PHLPP1: variants seen among roughly 807,000 people sequenced by gnomAD.
The protein encoded by PHLPP1 is PH domain and leucine rich repeat protein phosphatase 1, also known as PH domain leucine-rich repeat-containing protein phosphatase 1.
In PHLPP1, 42 loss-of-function variants were observed where a neutral mutation model predicts 117.2. That is an observed-to-expected ratio of 0.36 (90% CI 0.28 to 0.46). The LOEUF is 0.46. Ranked by LOEUF, PHLPP1 falls within the 20% of genes least tolerant of loss-of-function variation. The pLI, the probability that PHLPP1 is intolerant of heterozygous loss-of-function variation, is 1.00. For missense variants in PHLPP1, 2,084 were observed against 2,241.9 expected (o/e 0.93, Z 1.42); for synonymous variants, 1,042 against 970.7 (o/e 1.07, Z -1.37).
intron 1 of PHLPP1, among the ~76,000 whole-genome samples, chr18:62,768,370 G>T (rs1475926141): frequency 1.3e-5 from 2 of 152,134 alleles, no homozygotes; most frequent in South Asian, 4.1e-4. Flanking sequence ...GACCTGTGAG[G>T]CAGGAAGTAC....
At chr18:62,917,194 A>G (rs955465168) in intron 9 of PHLPP1, among the ~76,000 whole-genome samples, 3 of 147,352 alleles carry the variant, frequency 2.0e-5, no homozygotes, top group Non-Finnish European at 4.5e-5. Flanking sequence ...TTATACATTA[A>G]CATATTATAT....
At chr18:62,801,915 A>G (rs1311762909) in intron 1 of PHLPP1, among the ~76,000 whole-genome samples, 2 of 151,668 alleles carry the variant, frequency 1.3e-5, no homozygotes, top group African/African-American at 2.4e-5. Flanking sequence ...ACAGAGCATC[A>G]CTCCTAGTCT....
intron 1 of PHLPP1, among the ~76,000 whole-genome samples, chr18:62,817,808 T>C (rs1914333499): frequency 6.7e-6 from 1 of 149,416 alleles, no homozygotes; most frequent in South Asian, 2.1e-4. Context: ...AAAAAAGCAC[T>C]GACAGAATGC....
At chr18:62,929,687 C>T (rs984658963) in intron 10 of PHLPP1, among the ~76,000 whole-genome samples, 3 of 152,154 alleles carry the variant, frequency 2.0e-5, no homozygotes, top group Non-Finnish European at 4.4e-5. Context: ...GTGGCTCATG[C>T]GTGTTGTCCT....
intron 10 of PHLPP1, among the ~76,000 whole-genome samples, chr18:62,938,245 A>G: frequency 6.6e-6 from 1 of 152,212 alleles, no homozygotes; most frequent in Non-Finnish European, 1.5e-5. Context: ...GAGGATAGTT[A>G]TCACATCATA....
At chr18:62,836,359 G>A (rs1914895974) in intron 2 of PHLPP1, among the ~76,000 whole-genome samples, 1 of 151,510 alleles carries the variant, frequency 6.6e-6, no homozygotes, top group African/African-American at 2.4e-5. Flanking sequence ...TTGAACCTGG[G>A]AGGCAGAGGT....
At chr18:62,958,829 A>C in intron 13 of PHLPP1, 70 bp downstream of exon 13, 1 of 1,550,438 alleles carries the variant, frequency 6.4e-7, no homozygotes, top group Non-Finnish European at 8.9e-7. Flanking sequence ...CTTAGTGAAA[A>C]TGGGAAACAA....
At chr18:62,881,988 C>T (rs1284604626) in intron 4 of PHLPP1, among the ~76,000 whole-genome samples, 3 of 152,134 alleles carry the variant, frequency 2.0e-5, no homozygotes, top group Admixed American at 2.0e-4. Flanking sequence ...CAGATGAGTC[C>T]GAAAGGAACA....
At chr18:62,893,944 T>A (rs1916488971) in intron 4 of PHLPP1, among the ~76,000 whole-genome samples, 1 of 152,124 alleles carries the variant, frequency 6.6e-6, no homozygotes, top group South Asian at 2.1e-4. Flanking sequence ...GTGGGGTAGC[T>A]CAGGAGAGGA....
In PHLPP1 at chr18:62,913,739, CT is replaced by C. The variant is rs398033174; in HGVS notation, c.2709-1153del. ...ACCATTAGTTTAGTTCTCTCTCTCT[CT>C]TTTTTTTTTTTTTTTTTTTTGAGAC... On this transcript the variant is annotated intron_variant, in intron 8 of 16. Coordinates refer to ENST00000262719, the MANE Select transcript of PHLPP1 (RefSeq NM_194449.4). 5.0e-3 allele frequency among the ~76,000 whole-genome samples: 506 copies of C among 100,722 alleles called. 1 individual carries two copies. The highest frequency in any genetic ancestry group is 7.0e-3 in the Non-Finnish European group (376 of 53,504). 66.1% of individuals were successfully genotyped at this position (100,722 alleles called of 152,430 possible). A position where few individuals can be genotyped will look rare whatever the true frequency, so the allele number is the denominator to read the frequency against.
rs779209717 is a variant in PHLPP1 at position 62,873,907 on chromosome 18, G to A, written c.2066+13306G>A. ...ACTTAAGAAAGATAAATAAAGGGCC[G>A]GATGCGGTGGCTCACGCTTGTAATC... On this transcript the variant is annotated intron_variant, in intron 4 of 16. Transcript: ENST00000262719. Among the ~76,000 whole-genome samples the A allele has an allele frequency of 3.9e-5, 6 of 152,204 alleles. No homozygotes were observed. The South Asian group carries it at 6.2e-4, about 16-fold the overall frequency.
At chr18:62,959,443 T>C (rs1910703918) in intron 13 of PHLPP1, among the ~76,000 whole-genome samples, 1 of 152,214 alleles carries the variant, frequency 6.6e-6, no homozygotes, top group Non-Finnish European at 1.5e-5. Context: ...TGTACATGTG[T>C]ATGCATACAC....
chr18:62,799,803 G>A (rs1322903821), intron 1 of PHLPP1, among the ~76,000 whole-genome samples: 3 of 152,074 alleles, frequency 2.0e-5, no homozygotes, highest in Non-Finnish European at 2.9e-5. Flanking sequence ...GGGCCTTACT[G>A]CTTATAAACA....
intron 1 of PHLPP1, among the ~76,000 whole-genome samples, chr18:62,783,548 C>A (rs1217718037): frequency 1.3e-5 from 2 of 152,162 alleles, no homozygotes; most frequent in Non-Finnish European, 2.9e-5. Context: ...TCAATAAATG[C>A]TATATTGTAA....
intron 6 of PHLPP1, among the ~76,000 whole-genome samples, chr18:62,896,295 G>GTT (rs11373740): frequency 0.43 from 60,065 of 140,132 alleles, 14,974 homozygotes; most frequent in Non-Finnish European, 0.57. Context: ...TGTTGTTCTT[G>GTT]TTTTTTTTTT....
At chr18:62,926,985 TG>T (rs1909648817) in intron 10 of PHLPP1, among the ~76,000 whole-genome samples, 1 of 152,162 alleles carries the variant, frequency 6.6e-6, no homozygotes, top group African/African-American at 2.4e-5. Context: ...AAGCTGGTAG[TG>T]GGGCTTTAGG....
At chr18:62,725,751 C>G (rs1690678667) in intron 1 of PHLPP1, among the ~76,000 whole-genome samples, 1 of 152,144 alleles carries the variant, frequency 6.6e-6, no homozygotes, top group South Asian at 2.1e-4. Context: ...TCCTTTTATG[C>G]TAGATTTCAT....
chr18:62,824,118 C>T (rs909493848), intron 1 of PHLPP1: 9 of 434,394 alleles, frequency 2.1e-5, no homozygotes, highest in Non-Finnish European at 3.2e-5. Context: ...GCAACAAGAG[C>T]GAAACTCCGT....
chr18:62,873,254 A>C (rs912469579), intron 4 of PHLPP1, among the ~76,000 whole-genome samples: 2 of 152,180 alleles, frequency 1.3e-5, no homozygotes, highest in African/African-American at 2.4e-5. Flanking sequence ...AACTTTGTCC[A>C]TGGTACTTGG....
Sources: gnomAD v4.1 joint callset for allele counts (sites outside exome capture counted in the v4.1 genomes callset) on GRCh38, gnomAD v4.1.1 for gene constraint, MANE v1.5 for transcripts, NCBI Gene and HGNC (gene_info 2026-07-23, HGNC 2026-07-21) for gene names.